The following SMC6 variants were observed in gnomAD, a reference collection of about 807,000 sequenced individuals.
SMC6 encodes structural maintenance of chromosomes protein 6.
Under a neutral mutation model 142.2 loss-of-function variants are expected in SMC6, and 79 were observed. The observed-to-expected ratio is 0.56, with a 90% CI of 0.46 to 0.67. SMC6 has a LOEUF of 0.67. Among genes scored for constraint, SMC6 ranks in the 30% least tolerant of loss-of-function variants. The pLI is 0.00. For synonymous variants in SMC6, 411 were observed against 412.4 expected (o/e 1.00, Z 0.04); for missense variants, 1,072 against 1,284.0 (o/e 0.83, Z 2.52).
intron 11 of SMC6, among the ~76,000 whole-genome samples, chr2:17,720,201 T>C (rs1439775087): frequency 2.0e-5 from 3 of 152,168 alleles, no homozygotes; most frequent in Non-Finnish European, 4.4e-5. Context: ...AATAAAGCTG[T>C]TCAAAACAGA....
Position 17,721,545 on chromosome 2 carries a change from T to A in SMC6, c.727-284A>T, listed in dbSNP as rs367708434. Among the ~76,000 whole-genome samples the A allele has an allele frequency of 8.5e-5, 13 of 152,306 alleles. No individual in the cohort carries two copies. In the East Asian group the frequency reaches 9.6e-4, roughly 11 times the overall value. On this transcript the variant is annotated intron_variant, in intron 9 of 27. Coordinates refer to ENST00000448223, the MANE Select transcript of SMC6 (RefSeq NM_001142286.2). The stretch of plus-strand genomic sequence containing the variant: ...CACAAATATAGAGAAATCCCAAAAC[T>A]CACTTTCCCATTTTCCCTCTTTATT...
intron 4 of SMC6, chr2:17,740,940 A>T: frequency 3.5e-6 from 1 of 287,746 alleles, no homozygotes; most frequent in Non-Finnish European, 6.8e-6. Flanking sequence ...TTCAAAATAA[A>T]ACTTCAAACT....
chr2:17,738,671 CATATA>C (rs1670277647), intron 4 of SMC6, among the ~76,000 whole-genome samples: 1 of 152,168 alleles, frequency 6.6e-6, no homozygotes, highest in South Asian at 2.1e-4. Context: ...TCTATTTACA[CATATA>C]TTATTAATTC....
chr2:17,726,851 G>C (rs1669654372), intron 7 of SMC6, among the ~76,000 whole-genome samples: 1 of 152,142 alleles, frequency 6.6e-6, no homozygotes, highest in Non-Finnish European at 1.5e-5. Context: ...TCCTAGCATG[G>C]TAAGGAGTCA....
intron 5 of SMC6, among the ~76,000 whole-genome samples, chr2:17,733,291 C>T (rs1669996150): frequency 1.3e-5 from 2 of 152,162 alleles, no homozygotes; most frequent in Non-Finnish European, 2.9e-5. Flanking sequence ...TGTACAAGTG[C>T]CCTAGCAGAA....
chr2:17,752,253 C>T (rs1671080639), intron 2 of SMC6, among the ~76,000 whole-genome samples: 2 of 152,154 alleles, frequency 1.3e-5, no homozygotes, highest in Admixed American at 1.3e-4. Context: ...TATAACCTCC[C>T]CACATACTTA....
intron 11 of SMC6, among the ~76,000 whole-genome samples, chr2:17,719,888 G>A (rs1404926819): frequency 6.6e-6 from 1 of 152,106 alleles, no homozygotes; most frequent in Non-Finnish European, 1.5e-5. Flanking sequence ...GCTTATCTTG[G>A]AGGCAGACAG....
At chr2:17,690,634 CCT>C (rs993885832) in intron 23 of SMC6, among the ~76,000 whole-genome samples, 1 of 151,748 alleles carries the variant, frequency 6.6e-6, no homozygotes, top group African/African-American at 2.4e-5. Context: ...AAAAAAACTC[CCT>C]GTGAATATAT....
intron 9 of SMC6, among the ~76,000 whole-genome samples, chr2:17,724,383 G>A (rs1669515558): frequency 6.6e-6 from 1 of 152,276 alleles, no homozygotes; most frequent in Middle Eastern, 3.4e-3. Flanking sequence ...CCTCAAAAAT[G>A]TGAAGTAAAA....
intron 1 of SMC6, 84 bp from the exon 2 acceptor site, chr2:17,753,148 C>G (rs543464703): frequency 2.7e-6 from 1 of 376,180 alleles, no homozygotes; most frequent in African/African-American, 2.2e-5. Context: ...TTTGCATTTT[C>G]GTAAAACTGG....
At chr2:17,738,056 A>G (rs1670243039) in intron 5 of SMC6, among the ~76,000 whole-genome samples, 165 bp downstream of exon 5, 4 of 152,232 alleles carry the variant, frequency 2.6e-5, no homozygotes, top group African/African-American at 9.6e-5. Flanking sequence ...ACAGTGAGCC[A>G]TGCCAGCAAC....
intron 16 of SMC6, among the ~76,000 whole-genome samples, 191 bp downstream of exon 16, chr2:17,714,670 C>T (rs2344692): frequency 0.49 from 74,459 of 151,992 alleles, 20,456 homozygotes; most frequent in African/African-American, 0.72. Context: ...ATAAGAACTT[C>T]AATGGTAGGG....
intron 9 of SMC6, among the ~76,000 whole-genome samples, chr2:17,724,420 C>T (rs1669519069): frequency 6.6e-6 from 1 of 152,182 alleles, no homozygotes; most frequent in Non-Finnish European, 1.5e-5. Context: ...ATGAATTTGA[C>T]TTTAATCATT....
intron 21 of SMC6, among the ~76,000 whole-genome samples, chr2:17,698,635 T>C (rs1405961353): frequency 6.6e-6 from 1 of 152,114 alleles, no homozygotes; most frequent in South Asian, 2.1e-4. Context: ...GAGCTATTTA[T>C]AGAGAGCATA....
chr2:17,705,237 G>C (rs746693624), intron 18 of SMC6, among the ~76,000 whole-genome samples: 1 of 151,974 alleles, frequency 6.6e-6, no homozygotes, highest in South Asian at 2.1e-4. Flanking sequence ...CAGCCTGATC[G>C]ACAGAGTGAG....
chr2:17,736,859 GAGACTCTGTCTC>G (rs1431939366), intron 5 of SMC6, among the ~76,000 whole-genome samples: 5 of 144,540 alleles, frequency 3.5e-5, no homozygotes, highest in Non-Finnish European at 7.7e-5. Flanking sequence ...GTGACAGAGT[GAGACTCTGTCTC>G]AAAAAAAAGA....
chr2:17,711,908 C>T (rs918808560), intron 16 of SMC6, among the ~76,000 whole-genome samples: 8 of 152,046 alleles, frequency 5.3e-5, no homozygotes, highest in Non-Finnish European at 7.4e-5. Context: ...TGTGAGCCAC[C>T]GTGACTGGTC....
At chr2:17,706,307 T>C (rs1466169200) in intron 18 of SMC6, among the ~76,000 whole-genome samples, 1 of 152,150 alleles carries the variant, frequency 6.6e-6, no homozygotes, top group Non-Finnish European at 1.5e-5. Flanking sequence ...GAAAACTGCA[T>C]TGAGATAATA....
chr2:17,705,159 G>A (rs977882995), intron 18 of SMC6, among the ~76,000 whole-genome samples: 1 of 152,114 alleles, frequency 6.6e-6, no homozygotes, highest in African/African-American at 2.4e-5. Flanking sequence ...TCGGGAGGCT[G>A]AGGCAGGAAA....
Sources: gnomAD v4.1 joint callset for allele counts (sites outside exome capture counted in the v4.1 genomes callset) on GRCh38, gnomAD v4.1.1 for gene constraint, MANE v1.5 for transcripts, NCBI Gene and HGNC (gene_info 2026-07-23, HGNC 2026-07-21) for gene names.